Variants in RRN3 observed in about 807,000 individuals in gnomAD.
The protein encoded by RRN3 is RNA polymerase I-specific transcription initiation factor RRN3.
A neutral mutation model predicts 82.3 loss-of-function variants in RRN3; 38 were observed. That is an observed-to-expected ratio of 0.46 (90% CI 0.36 to 0.61). The LOEUF is 0.61. Among genes scored for constraint, RRN3 ranks in the 20% least tolerant of loss-of-function variants. The pLI is 0.00. For missense variants in RRN3, 726 were observed against 793.1 expected (o/e 0.92, Z 1.02); for synonymous variants, 284 against 284.3 (o/e 1.00, Z 0.01).
In RRN3 at chr16:15,085,686, A is replaced by G; in HGVS notation, c.485T>C (p.Ile162Thr). The G allele has an allele frequency of 1.2e-6, 2 of 1,613,568 alleles. No individual in the cohort carries two copies. The highest frequency in any genetic ancestry group is 4.5e-5 in the East Asian group (2 of 44,880). The change falls in exon 6 of 18, where the codon ATT (isoleucine) becomes ACT (threonine). Residue 162 changes from isoleucine to threonine, a missense_variant. Physicochemically the swap from Ile to Thr is moderately conservative, Grantham distance 89 (BLOSUM62 -1). Around this residue, in one of 4 missense-constraint regions of RRN3, gnomAD observed 344 missense variants for 394.5 expected, o/e 0.87. Transcript: ENST00000198767. ...TGAAACATCTACATCGCCTTCCTTA[A>G]TGATCACTCGGGCTTTTGAGGGAAA... ...ASHFVPPRVI[I>T]KEGDVDVSDS... is the part of the protein sequence containing the mutation.
chr16:15,080,620 A>G (rs1385909646), intron 8 of RRN3, among the ~76,000 whole-genome samples: 1 of 151,944 alleles, frequency 6.6e-6, no homozygotes, highest in Non-Finnish European at 1.5e-5. Flanking sequence ...TTAGAGAGAC[A>G]TTTTCTCACT....
chr16:15,075,250 CAAA>C (rs56913254), intron 10 of RRN3, among the ~76,000 whole-genome samples: 6 of 68,038 alleles, frequency 8.8e-5, no homozygotes, highest in Admixed American at 1.7e-4. Flanking sequence ...TGTGCCCCAC[CAAA>C]AAAAAAAAAA....
chr16:15,086,000 T>C (rs2045903332), intron 5 of RRN3, 129 bp downstream of exon 5: 1 of 656,892 alleles, frequency 1.5e-6, no homozygotes, highest in South Asian at 2.0e-5. Flanking sequence ...GGGGAATATA[T>C]GTCTACCAGA....
chr16:15,082,489 G>A (rs752430252), intron 8 of RRN3, among the ~76,000 whole-genome samples: 6 of 152,098 alleles, frequency 3.9e-5, no homozygotes, highest in South Asian at 4.2e-4. Flanking sequence ...TCTGGCCAAC[G>A]CGGCAAAATC....
intron 1 of RRN3, among the ~76,000 whole-genome samples, chr16:15,093,226 A>G (rs2046211261): frequency 6.6e-6 from 1 of 151,912 alleles, no homozygotes; most frequent in African/African-American, 2.4e-5. Context: ...CTGGTCTCCA[A>G]CTCCTGACTT....
At position 15,061,644 on chromosome 16, in the gene RRN3, G is replaced by T; in HGVS notation, c.*100C>A. ...ACAGCCGAGGCAGGCACTCGCTCTA[G>T]TTCAATGCCATCAATGCCCAATGGC... is the stretch of plus-strand genomic sequence containing the variant. On this transcript the variant is annotated 3_prime_UTR_variant, in exon 18 of 18. Coordinates refer to ENST00000198767, the MANE Select transcript of RRN3 (RefSeq NM_018427.5). 1 of 1,196,018 alleles carries T rather than the reference G, an allele frequency of 8.4e-7. No individual in the cohort carries two copies. Among genetic ancestry groups the T allele is most frequent in the Non-Finnish European group, 1.2e-6 (1 of 830,880 alleles). The allele number at this position is 1,196,018 out of a possible 1,614,324, so 74.1% of individuals were successfully genotyped here.
At chr16:15,065,944 G>A (rs1353007490) in intron 15 of RRN3, among the ~76,000 whole-genome samples, 9 of 152,230 alleles carry the variant, frequency 5.9e-5, no homozygotes, top group African/African-American at 2.2e-4. Flanking sequence ...ACAGTTAAAT[G>A]CATAGAAGAA....
At chr16:15,094,303 C>T (rs1462869769), upstream of RRN3, 6 of 1,346,960 alleles carry the variant, frequency 4.5e-6, no homozygotes, top group Admixed American at 4.4e-5. Context: ...AGCCTCTGTC[C>T]CGGAAGTTGC....
At chr16:15,073,229 G>GCCTC in intron 11 of RRN3, 149 bp from the exon 12 acceptor site, 1 of 863,850 alleles carries the variant, frequency 1.2e-6, no homozygotes, top group Non-Finnish European at 1.8e-6. Flanking sequence ...ACTTTGGGAG[G>GCCTC]CCAAAGTGAG....
chr16:15,092,133 C>A (rs1225186269), intron 2 of RRN3, among the ~76,000 whole-genome samples: 2 of 152,090 alleles, frequency 1.3e-5, no homozygotes, highest in African/African-American at 2.4e-5. Flanking sequence ...GAGCCGAGGT[C>A]ACGCCACTGC....
chr16:15,061,972 TC>T, intron 17 of RRN3, 67 bp from the exon 18 acceptor site: 1 of 1,464,566 alleles, frequency 6.8e-7, no homozygotes, highest in South Asian at 1.2e-5. Context: ...AACAATTCCT[TC>T]CTCAGGAAGG....
intron 9 of RRN3, among the ~76,000 whole-genome samples, chr16:15,078,433 C>T (rs2045555782): frequency 6.6e-6 from 1 of 152,092 alleles, no homozygotes. Context: ...CCACCATCCA[C>T]ATCCTCTCCC....
intron 9 of RRN3, among the ~76,000 whole-genome samples, chr16:15,077,058 C>A (rs2045490458): frequency 6.6e-6 from 1 of 151,718 alleles, no homozygotes; most frequent in Admixed American, 6.6e-5. Context: ...CGGCTCACCG[C>A]AAACTCCGCC....
chr16:15,080,843 T>A (rs1021270102), intron 8 of RRN3, among the ~76,000 whole-genome samples: 1 of 151,036 alleles, frequency 6.6e-6, no homozygotes, highest in African/African-American at 2.4e-5. Flanking sequence ...TGACATTTCA[T>A]ATAAATGGAG....
chr16:15,093,861 G>A (rs1053191823), intron 1 of RRN3: 24 of 474,232 alleles, frequency 5.1e-5, no homozygotes, highest in Non-Finnish European at 8.5e-5. Flanking sequence ...AAGGAAGAGG[G>A]GTCAAGGCGC....
intron 16 of RRN3, among the ~76,000 whole-genome samples, chr16:15,064,863 A>C (rs528685541): frequency 2.6e-5 from 4 of 152,188 alleles, no homozygotes; most frequent in Admixed American, 6.5e-5. Flanking sequence ...GCAAACATGT[A>C]TCACGTTTAA....
At chr16:15,072,516 C>T (rs1009673954) in intron 12 of RRN3, among the ~76,000 whole-genome samples, 7 of 152,088 alleles carry the variant, frequency 4.6e-5, no homozygotes, top group African/African-American at 7.2e-5. Context: ...GAGAAGGGAA[C>T]GTGGGCCAGG....
intron 10 of RRN3, 43 bp from the exon 11 acceptor site, chr16:15,074,904 G>A (rs996938828): frequency 7.1e-6 from 11 of 1,547,744 alleles, no homozygotes; most frequent in Non-Finnish European, 9.7e-6. Flanking sequence ...AAAATTCAAT[G>A]TCAAAGTGGT....
rs751289548 is a variant in RRN3, at chr16:15,083,554, C to A, written c.625G>T (p.Val209Leu). Residue 209 changes from valine to leucine, a missense_variant, in exon 8 of 18, where the codon GTG becomes TTG. Around this residue, in one of 4 missense-constraint regions of RRN3, gnomAD observed 344 missense variants for 394.5 expected, o/e 0.87. Transcript: ENST00000198767. The stretch of plus-strand genomic sequence containing the variant: ...TTTCGAACAAATGGAAATTTTTCCA[C>A]CAGTATTGGCATGAGAAACCACGGT... Reference protein sequence around the residue: ...STPWFLMPILVEKFPFVRKSE... With the variant: ...STPWFLMPILLEKFPFVRKSE... The A allele has an allele frequency of 1.6e-5, 25 of 1,609,254 alleles. 1 individual carries two copies. In the South Asian group the frequency reaches 2.8e-4, roughly 18 times the overall value.
Sources: allele counts gnomAD v4.1 joint callset (sites outside exome capture counted in the v4.1 genomes callset), GRCh38; gene constraint gnomAD v4.1.1; regional missense constraint gnomAD v4.1.1; transcripts MANE v1.5; gene names NCBI Gene and HGNC (gene_info 2026-07-23, HGNC 2026-07-21).